The following PLEKHG4B variants were observed in gnomAD, a reference collection of about 807,000 sequenced individuals.
PLEKHG4B encodes pleckstrin homology and RhoGEF domain containing G4B.
A neutral mutation model predicts 121.3 loss-of-function variants in PLEKHG4B; 111 were observed. The ratio of observed to expected loss-of-function variants is 0.92; its 90% CI spans 0.78 to 1.07. The LOEUF is 1.07. Among genes scored for constraint, PLEKHG4B ranks in the 50% least tolerant of loss-of-function variants. The pLI is 0.00. For missense variants in PLEKHG4B, 1,831 were observed against 1,757.8 expected (o/e 1.04, Z -0.74); for synonymous variants, 738 against 725.0 (o/e 1.02, Z -0.29).
chr5:95,966 G>C (rs977449148), intron 1 of PLEKHG4B, among the ~76,000 whole-genome samples: 2 of 152,222 alleles, frequency 1.3e-5, no homozygotes. Context: ...ACTTTTGCCT[G>C]AAGTTCTCAC....
intron 18 of PLEKHG4B, among the ~76,000 whole-genome samples, chr5:176,457 G>A (rs1736764020): frequency 6.6e-6 from 1 of 152,228 alleles, no homozygotes; most frequent in South Asian, 2.1e-4. Flanking sequence ...CGCAAAGCAT[G>A]AGAATGGCCG....
chr5:106,835 C>G (rs1560897932), intron 1 of PLEKHG4B, among the ~76,000 whole-genome samples: 1 of 151,566 alleles, frequency 6.6e-6, no homozygotes, highest in African/African-American at 2.4e-5. Flanking sequence ...CGTGCAGCTT[C>G]TGTGTGTGTG....
At chr5:117,486 T>C (rs1451615301) in intron 2 of PLEKHG4B, among the ~76,000 whole-genome samples, 1 of 152,162 alleles carries the variant, frequency 6.6e-6, no homozygotes, top group Non-Finnish European at 1.5e-5. Flanking sequence ...ATCAAGTTAT[T>C]TGTCACTTTG....
chr5:143,623 C>T, intron 5 of PLEKHG4B, 120 bp downstream of exon 5: 2 of 1,281,644 alleles, frequency 1.6e-6, no homozygotes, highest in East Asian at 2.4e-5. Context: ...CTCTCCTAAC[C>T]TCATCTTTCA....
intron 13 of PLEKHG4B, among the ~76,000 whole-genome samples, chr5:166,912 G>T (rs536454897): frequency 5.2e-4 from 79 of 152,294 alleles, no homozygotes; most frequent in African/African-American, 1.8e-3. Context: ...GGGTGTATCT[G>T]CCGGCTGAGC....
intron 13 of PLEKHG4B, among the ~76,000 whole-genome samples, chr5:168,014 C>T (rs991256871): frequency 6.6e-6 from 1 of 152,188 alleles, no homozygotes; most frequent in Non-Finnish European, 1.5e-5. Flanking sequence ...ACCACACTGG[C>T]CAGCCCACCT....
intron 13 of PLEKHG4B, among the ~76,000 whole-genome samples, chr5:164,679 C>CGGGGCGG (rs1736207189): frequency 1.1e-5 from 1 of 95,202 alleles, no homozygotes; most frequent in African/African-American, 4.0e-5. Flanking sequence ...AATACTCTGA[C>CGGGGCGG]AGGGGGCGGA....
intron 11 of PLEKHG4B, among the ~76,000 whole-genome samples, chr5:158,904 TC>T (rs1350985749): frequency 6.6e-6 from 1 of 152,260 alleles, no homozygotes; most frequent in African/African-American, 2.4e-5. Context: ...TTCCAGGACT[TC>T]CCAGAGAAAG....
rs1028950693 is a variant in PLEKHG4B at position 103,671 on chromosome 5, G to T, written c.46-9580G>T. Among the ~76,000 whole-genome samples the T allele has an allele frequency of 1.4e-4, 22 of 152,326 alleles. 1 individual carries two copies. The highest frequency in any genetic ancestry group is 1.1e-3 in the Admixed American group (17 of 15,300). The stretch of plus-strand genomic sequence containing the variant: ...TATACAAAGTGCTGTGATCAGATCA[G>T]GGTAGTTGGGATATTCATCACCTCA... On this transcript the variant is annotated intron_variant, in intron 1 of 19. Coordinates refer to ENST00000637938, the MANE Select transcript of PLEKHG4B (RefSeq NM_052909.5).
chr5:125,438 C>G (rs1461700613), intron 2 of PLEKHG4B, among the ~76,000 whole-genome samples: 1 of 152,140 alleles, frequency 6.6e-6, no homozygotes, highest in East Asian at 1.9e-4. Flanking sequence ...ACAAGTTTAA[C>G]ATTAATAACA....
rs1177766333 is a variant in PLEKHG4B at position 163,512 on chromosome 5, A to AC, written c.3443dup (p.Ala1149CysfsTer2). The AC allele has an allele frequency of 1.2e-6, 2 of 1,610,110 alleles. No individual in the cohort carries two copies. The highest frequency in any genetic ancestry group is 3.4e-5 in the Admixed American group (2 of 59,650). The stretch of plus-strand genomic sequence containing the variant: ...AGTCTGTCCTCCCCCTCGGGGCTCC[A>AC]CCCTGCTGAGGAGGATGGGAGGCAG... On this transcript the variant is annotated frameshift_variant, in exon 13 of 20. Coordinates refer to ENST00000637938, the MANE Select transcript of PLEKHG4B (RefSeq NM_052909.5). LOFTEE classifies it high-confidence loss of function.
rs970358202 is a variant in PLEKHG4B at position 139,870 on chromosome 5, T to A, written c.631T>A (p.Tyr211Asn). 3 of 399,656 alleles carry A rather than the reference T, an allele frequency of 7.5e-6. No homozygotes were observed. The highest frequency in any genetic ancestry group is 8.8e-6 in the Non-Finnish European group (2 of 227,042). The allele number at this position is 399,656 out of a possible 1,614,324, so 24.8% of individuals were successfully genotyped here. A position where few individuals can be genotyped will look rare whatever the true frequency, so the allele number is the denominator to read the frequency against. ...CAGCCCTGGAGCCATCCTGCAGAGC[T>A]ACTCCAGCTGCACAGGTCCTGAGCG... is the stretch of plus-strand genomic sequence containing the variant. The part of the protein sequence containing the change: ...VPSPGAILQS[Y>N]SSCTGPERLP... Residue 211 changes from tyrosine to asparagine, a missense_variant, in exon 3 of 20, where the codon TAC becomes AAC. Transcript: ENST00000637938. The surrounding 1 kb of genome is among the most constrained non-coding windows in gnomAD (Gnocchi z 5.0).
At chr5:105,650 T>C (rs1053165081) in intron 1 of PLEKHG4B, among the ~76,000 whole-genome samples, 2 of 152,218 alleles carry the variant, frequency 1.3e-5, no homozygotes, top group African/African-American at 2.4e-5. Flanking sequence ...TGGTTTATTC[T>C]GGTTTCATTC....
intron 11 of PLEKHG4B, among the ~76,000 whole-genome samples, chr5:160,670 T>G (rs1735968213): frequency 6.6e-6 from 1 of 152,236 alleles, no homozygotes; most frequent in Non-Finnish European, 1.5e-5. Context: ...GCTTTGCTTA[T>G]CTTTTAAACA....
chr5:144,578 G>C (rs1184775025), intron 5 of PLEKHG4B, among the ~76,000 whole-genome samples: 1 of 152,206 alleles, frequency 6.6e-6, no homozygotes, highest in Non-Finnish European at 1.5e-5. Flanking sequence ...TTAGGGGAAA[G>C]TAGCCCCAGC....
intron 1 of PLEKHG4B, among the ~76,000 whole-genome samples, chr5:108,994 G>A (rs1222495323): frequency 6.6e-6 from 1 of 152,176 alleles, no homozygotes; most frequent in Non-Finnish European, 1.5e-5. Context: ...AGCCTCCTGG[G>A]GGTGTGGGTT....
chr5:171,108 C>A lies in PLEKHG4B; in HGVS notation c.3795C>A (p.Ser1265Arg). 1 of 1,613,442 alleles carries A rather than the reference C, an allele frequency of 6.2e-7. No individual in the cohort carries two copies. Among genetic ancestry groups the A allele is most frequent in the Non-Finnish European group, 8.5e-7 (1 of 1,179,832 alleles). ...KNKPQSDALL[S>R]SHGNAFFKDK... is the part of the protein sequence containing the mutation. ...AGCCGCAGTCGGATGCCCTGCTCAGCAGCCATGGCAACGCCTTCTTCAAGG... is the reference window on the plus strand; with the variant it reads ...AGCCGCAGTCGGATGCCCTGCTCAGAAGCCATGGCAACGCCTTCTTCAAGG... Residue 1265 changes from serine (S) to arginine (R), a missense_variant, in exon 15 of 20, where the codon AGC becomes AGA. Transcript: ENST00000637938.
intron 6 of PLEKHG4B, among the ~76,000 whole-genome samples, chr5:148,344 CAA>C (rs71590513): frequency 0.071 from 6,744 of 94,398 alleles, 534 homozygotes; most frequent in African/African-American, 0.22. Context: ...AACAGTTCCA[CAA>C]AAAAAAAAAA....
chr5:117,719 G>A (rs541959229), intron 2 of PLEKHG4B, among the ~76,000 whole-genome samples: 7 of 152,250 alleles, frequency 4.6e-5, no homozygotes, highest in African/African-American at 9.6e-5. Context: ...CGGGCGTGGT[G>A]GCAGGTGCCT....
Sources: allele counts gnomAD v4.1 joint callset (sites outside exome capture counted in the v4.1 genomes callset), GRCh38; gene constraint gnomAD v4.1.1; non-coding constraint Gnocchi (gnomAD v3.1); transcripts MANE v1.5; gene names NCBI Gene and HGNC (gene_info 2026-07-23, HGNC 2026-07-21).